Variants in CHD6 observed in about 807,000 individuals in gnomAD.
CHD6 encodes the protein chromodomain helicase DNA binding protein 6.
A neutral mutation model predicts 276.9 loss-of-function variants in CHD6; 50 were observed. That is an observed-to-expected ratio of 0.18 (90% CI 0.14 to 0.23). The LOEUF (loss-of-function observed/expected upper bound fraction) is 0.23. CHD6 is among the 10% of genes least tolerant of loss of function. CHD6 has a pLI of 1.00. For missense variants in CHD6, 2,564 were observed against 3,365.8 expected (o/e 0.76, Z 5.89); for synonymous variants, 1,173 against 1,229.3 (o/e 0.95, Z 0.96).
At chr20:41,458,789 T>C (rs1160788654) in intron 17 of CHD6, among the ~76,000 whole-genome samples, 1 of 152,114 alleles carries the variant, frequency 6.6e-6, no homozygotes, top group Non-Finnish European at 1.5e-5. Context: ...GGGAATGTTT[T>C]TTCTCCCTGA....
At chr20:41,527,847 T>A (rs1851105582) in intron 3 of CHD6, among the ~76,000 whole-genome samples, 1 of 152,202 alleles carries the variant, frequency 6.6e-6, no homozygotes, top group Admixed American at 6.5e-5. Context: ...GGCTCTGGAC[T>A]CATGAATGGA....
At chr20:41,523,331 T>C (rs1215222443) in intron 3 of CHD6, among the ~76,000 whole-genome samples, 2 of 152,200 alleles carry the variant, frequency 1.3e-5, no homozygotes, top group East Asian at 3.8e-4. Flanking sequence ...CTCTTTTTTA[T>C]TAATAGCTTT....
chr20:41,434,491 C>T (rs2047644480), intron 27 of CHD6, among the ~76,000 whole-genome samples: 1 of 152,160 alleles, frequency 6.6e-6, no homozygotes, highest in African/African-American at 2.4e-5. Flanking sequence ...ATGCCTCAGC[C>T]TCCTGAGTAG....
Position 41,492,002 on chromosome 20 carries a change from G to A in CHD6, c.1315-183C>T, listed in dbSNP as rs6124352. Among the ~76,000 whole-genome samples, 51 of 152,278 alleles carry A rather than the reference G, an allele frequency of 3.3e-4. 1 individual carries two copies. In the East Asian group the frequency reaches 9.1e-3, roughly 27 times the overall value. ...AGGAGTCAGGCTGAGAGAATGGTTA[G>A]GAATCCTGATTGCTTCTAGATAATA... On this transcript the variant is annotated intron_variant, in intron 10 of 36. Transcript: ENST00000373233.
At chr20:41,514,098 G>A (rs1323969256) in intron 4 of CHD6, among the ~76,000 whole-genome samples, 2 of 152,210 alleles carry the variant, frequency 1.3e-5, no homozygotes, top group Non-Finnish European at 2.9e-5. Flanking sequence ...GACATTACTA[G>A]CTGTCATTTT....
intron 17 of CHD6, among the ~76,000 whole-genome samples, chr20:41,467,491 C>A (rs6029693): frequency 7.6e-6 from 1 of 130,924 alleles, no homozygotes; most frequent in African/African-American, 2.9e-5. Context: ...CTCACAATTT[C>A]TTCTTTATTT....
chr20:41,555,463 C>T (rs2045217821), intron 1 of CHD6, among the ~76,000 whole-genome samples: 1 of 150,758 alleles, frequency 6.6e-6, no homozygotes, highest in South Asian at 2.1e-4. Context: ...AGACGCTCCT[C>T]ACTTCCCAGA....
rs534600109 is a variant in CHD6 at position 41,513,767 on chromosome 20, T to TA, written c.703-773dup. 8.0e-4 allele frequency among the ~76,000 whole-genome samples: 122 copies of TA among 152,266 alleles called. 1 individual carries two copies. The highest frequency in any genetic ancestry group is 2.7e-3 in the African/African-American group (112 of 41,552). ...AGCTCACTCTCAAATATTTAAATCT[T>TA]AAAAAACAAAAGCAAAAGCAAAATC... On this transcript the variant is annotated intron_variant, in intron 4 of 36. Transcript: ENST00000373233.
Position 41,514,857 on chromosome 20 carries a change from G to C in CHD6, c.650C>G (p.Thr217Arg), listed in dbSNP as rs949838934. Reference sequence around the variant, plus strand: ...CTCAGGACTCCGCAGAGATGGGTTCGTCAGGCCCTGATCCAGCTCTAAACT... The same window carrying C: ...CTCAGGACTCCGCAGAGATGGGTTCCTCAGGCCCTGATCCAGCTCTAAACT... The part of the protein sequence containing the change: ...VESLELDQGL[T>R]NPSLRSPEES... The change falls in exon 4 of 37, where the codon ACG becomes AGG. Residue 217 changes from threonine to arginine, a missense_variant. By Grantham distance (71) the Thr-to-Arg change is moderately conservative (BLOSUM62 -1). Around this residue, in one of 7 missense-constraint regions of CHD6, gnomAD observed 286 missense variants for 297.8 expected, o/e 0.96. Transcript: ENST00000373233. 6 of 1,613,938 alleles carry C rather than the reference G, an allele frequency of 3.7e-6. No individual in the cohort carries two copies. In the African/African-American group the frequency reaches 8.0e-5, roughly 22 times the overall value.
At chr20:41,457,200 G>C in intron 18 of CHD6, 64 bp downstream of exon 18, 1 of 1,554,096 alleles carries the variant, frequency 6.4e-7, no homozygotes. Flanking sequence ...TGTAAGAAGA[G>C]AAGCCTGTCT....
chr20:41,454,574 C>T, intron 20 of CHD6, 52 bp downstream of exon 20: 1 of 1,365,870 alleles, frequency 7.3e-7, no homozygotes, highest in South Asian at 1.2e-5. Context: ...AATTTATTGT[C>T]ATGTATGACA....
In CHD6 at chr20:41,484,605, T is replaced by C; in HGVS notation, c.2004A>G (p.Val668=). 6.2e-7 allele frequency: 1 copy of C among 1,613,708 alleles called. No individual in the cohort carries two copies. The highest frequency in any genetic ancestry group is 8.5e-7 in the Non-Finnish European group (1 of 1,179,756). The change falls in exon 15 of 37, where the codon GTA becomes GTG. Residue 668 remains valine (V), a splice_region_variant and synonymous_variant. Transcript: ENST00000373233. ...EFGDLKTEEQ[V]KKLQSILKPM... is the part of the protein sequence containing the mutation. ...GTTTTAGGATAGACTGCAGTTTCTT[T>C]ACCTGTCCAGGGAAATGAGACCTAG...
intron 3 of CHD6, among the ~76,000 whole-genome samples, chr20:41,529,402 A>C (rs1035980525): frequency 6.6e-6 from 1 of 152,164 alleles, no homozygotes; most frequent in East Asian, 1.9e-4. Context: ...ATCAGGCCTG[A>C]GATTATAACA....
intron 2 of CHD6, among the ~76,000 whole-genome samples, chr20:41,543,764 C>A (rs1768167207): frequency 6.6e-6 from 1 of 152,156 alleles, no homozygotes; most frequent in South Asian, 2.1e-4. Context: ...AGACATATTT[C>A]TTTTATCCTT....
chr20:41,592,109 A>C (rs1359715091), intron 1 of CHD6, among the ~76,000 whole-genome samples: 1 of 152,202 alleles, frequency 6.6e-6, no homozygotes, highest in African/African-American at 2.4e-5. Flanking sequence ...AAACAAACAA[A>C]AAAAAAGAAT....
chr20:41,416,756 G>T lies in CHD6; in HGVS notation c.6318C>A (p.His2106Gln). The T allele has an allele frequency of 6.2e-7, 1 of 1,608,100 alleles. No homozygotes were observed. Among genetic ancestry groups the T allele is most frequent in the Non-Finnish European group, 8.5e-7 (1 of 1,176,074 alleles). Residue 2106 changes from histidine (H) to glutamine (Q), a missense_variant, in exon 33 of 37, where the codon CAC becomes CAA. By Grantham distance (24) the His-to-Gln change is conservative (BLOSUM62 0). Transcript: ENST00000373233. The stretch of plus-strand genomic sequence containing the variant: ...AGGGCCACTTCCCCTTTAACACCAC[G>T]TGGCAGATATTATCTAGGCGGTTAA... ...VIINRLDNIC[H>Q]VVLKGKWPSS...
intron 1 of CHD6, among the ~76,000 whole-genome samples, chr20:41,577,249 C>A (rs2045484301): frequency 6.6e-6 from 1 of 152,126 alleles, no homozygotes; most frequent in South Asian, 2.1e-4. Context: ...AAAATTGTTT[C>A]TTTGGTATTG....
Position 41,489,941 on chromosome 20 carries a change from C to T in CHD6, c.1517G>A (p.Arg506Lys), listed in dbSNP as rs749721690. 3.1e-6 allele frequency: 5 copies of T among 1,613,908 alleles called. No homozygotes were observed. In the South Asian group the frequency reaches 4.4e-5, roughly 14 times the overall value. The change falls in exon 12 of 37, where the codon AGA (arginine) becomes AAA (lysine). Residue 506 changes from arginine to lysine, a missense_variant. Around this residue, in one of 7 missense-constraint regions of CHD6, gnomAD observed 457 missense variants for 889.0 expected, o/e 0.51. Coordinates refer to ENST00000373233, the MANE Select transcript of CHD6 (RefSeq NM_032221.5). ...AATGAGAAAAGGGCCGTGGATTCCT[C>T]TCAGAAATATTTCTGAAAGGAATGT... ...SITFLSEIFL[R>K]GIHGPFLIIA...
chr20:41,613,923 A>C (rs1161168353), intron 1 of CHD6, among the ~76,000 whole-genome samples: 1 of 152,152 alleles, frequency 6.6e-6, no homozygotes, highest in Non-Finnish European at 1.5e-5. Flanking sequence ...TTAAACCTTT[A>C]GGTAGGAAGT....
Sources: gnomAD v4.1 joint callset for allele counts (sites outside exome capture counted in the v4.1 genomes callset) on GRCh38, gnomAD v4.1.1 for gene constraint, gnomAD v4.1.1 regional missense constraint, MANE v1.5 for transcripts, NCBI Gene and HGNC (gene_info 2026-07-23, HGNC 2026-07-21) for gene names.